Variants in DOCK5 observed in about 807,000 individuals in gnomAD.
DOCK5 encodes the protein dedicator of cytokinesis protein 5.
DOCK5 carries 142 observed loss-of-function variants against 251.8 expected under a neutral mutation model. The observed-to-expected ratio is 0.56, with a 90% confidence interval of 0.49 to 0.65. The LOEUF is 0.65. DOCK5 is among the 30% of genes least tolerant of loss of function. The probability of loss-of-function intolerance (pLI) is 0.00; values close to 1 mark genes in which losing one functional copy is unlikely to be tolerated. For missense variants in DOCK5, 2,111 were observed against 2,312.3 expected, an observed-to-expected ratio of 0.91 and a Z score of 1.79; for synonymous variants, 842 against 835.5, an observed-to-expected ratio of 1.01 and a Z score of -0.13.
chr8:25,377,878 G>A (rs972233582), intron 38 of DOCK5, among the ~76,000 whole-genome samples: 1 of 151,476 alleles, frequency 6.6e-6, no homozygotes, highest in African/African-American at 2.4e-5. Context: ...GCTCACCCAA[G>A]CCATGGGTGT....
chr8:25,226,355 C>T (rs1187316271), intron 1 of DOCK5, among the ~76,000 whole-genome samples: 1 of 150,206 alleles, frequency 6.7e-6, no homozygotes, highest in Non-Finnish European at 1.5e-5. Context: ...CTCCATCTCC[C>T]AGGTTCAAGT....
intron 1 of DOCK5, among the ~76,000 whole-genome samples, chr8:25,213,236 G>A (rs980562457): frequency 6.6e-6 from 1 of 152,008 alleles, no homozygotes; most frequent in African/African-American, 2.4e-5. Flanking sequence ...AGCCTCAAAT[G>A]AATGGGCACC....
intron 27 of DOCK5, 28 bp downstream of exon 27, chr8:25,351,854 GC>G (rs753170327): frequency 3.4e-5 from 55 of 1,596,188 alleles, no homozygotes; most frequent in Non-Finnish European, 4.5e-5. Flanking sequence ...GGATCCCACG[GC>G]CGCTGCTGTT....
intron 48 of DOCK5, among the ~76,000 whole-genome samples, chr8:25,406,044 C>T (rs558346497): frequency 2.7e-4 from 41 of 151,812 alleles, no homozygotes; most frequent in Admixed American, 3.9e-4. Context: ...CCGCAAGCTC[C>T]GCCTCCCGGG....
At chr8:25,263,901 G>A (rs796538141) in intron 2 of DOCK5, among the ~76,000 whole-genome samples, 3 of 151,878 alleles carry the variant, frequency 2.0e-5, no homozygotes, top group African/African-American at 7.3e-5. Context: ...TCCTGATTCT[G>A]TCCTGATTCC....
chr8:25,326,786 C>T (rs772584019), intron 18 of DOCK5, among the ~76,000 whole-genome samples: 31 of 152,102 alleles, frequency 2.0e-4, no homozygotes, highest in Non-Finnish European at 4.0e-4. Context: ...GATGTTGTTT[C>T]CCTATTATTT....
chr8:25,275,563 G>GAGCCACCAC, intron 4 of DOCK5, 122 bp downstream of exon 4: 2 of 968,988 alleles, frequency 2.1e-6, no homozygotes, highest in Non-Finnish European at 3.0e-6. Context: ...GGCCAGGCGT[G>GAGCCACCAC]GTGGCTCACG....
chr8:25,389,381 T>G (rs1801218988), intron 41 of DOCK5, 149 bp downstream of exon 41: 1 of 1,044,704 alleles, frequency 9.6e-7, no homozygotes, highest in Non-Finnish European at 1.3e-6. Flanking sequence ...CCATGTAAAA[T>G]CTTTGGGACC....
intron 1 of DOCK5, among the ~76,000 whole-genome samples, chr8:25,223,803 C>A (rs1185629894): frequency 1.3e-5 from 2 of 152,142 alleles, no homozygotes; most frequent in Non-Finnish European, 2.9e-5. Flanking sequence ...TTATTAAAAT[C>A]TCTCTGAGAT....
chr8:25,362,421 A>G (rs1341782063), intron 28 of DOCK5, among the ~76,000 whole-genome samples: 2 of 146,946 alleles, frequency 1.4e-5, no homozygotes, highest in Non-Finnish European at 3.0e-5. Context: ...TCTCCTTCCC[A>G]CTTTCTTTTT....
At chr8:25,278,486 G>A (rs1804105163) in intron 4 of DOCK5, 83 bp from the exon 5 acceptor site, 1 of 1,360,210 alleles carries the variant, frequency 7.4e-7, no homozygotes, top group Non-Finnish European at 1.0e-6. Context: ...TCTCAACCTT[G>A]AACGTTGGGA....
chr8:25,374,607 T>C lies in DOCK5; in HGVS notation c.3769T>C (p.Tyr1257His), dbSNP rs754003348. 3 of 1,613,522 alleles carry C rather than the reference T, an allele frequency of 1.9e-6. No homozygotes were observed. The African/African-American group carries it at 4.0e-5, about 22-fold the overall frequency. Residue 1257 changes from tyrosine to histidine, a missense_variant, in exon 37 of 52, where the codon TAC becomes CAC. Tyr to His is a moderately conservative substitution (Grantham distance 83, BLOSUM62 2). Transcript: ENST00000276440. Reference protein sequence around the residue: ...LRDLHRDCENYTEAAYTLLLH... With the variant: ...LRDLHRDCENHTEAAYTLLLH... Reference sequence around the variant, plus strand: ...AGATTTGCACCGAGACTGTGAGAACTACACAGAAGCTGCCTACACGCTTCT... The same window carrying C: ...AGATTTGCACCGAGACTGTGAGAACCACACAGAAGCTGCCTACACGCTTCT...
intron 1 of DOCK5, among the ~76,000 whole-genome samples, chr8:25,229,655 ATT>A (rs1802618986): frequency 6.6e-6 from 1 of 152,088 alleles, no homozygotes; most frequent in South Asian, 2.1e-4. Context: ...AGAAAATTTT[ATT>A]TGGTTGCTTA....
At chr8:25,364,118 G>A (rs1361927280) in intron 29 of DOCK5, among the ~76,000 whole-genome samples, 1 of 152,070 alleles carries the variant, frequency 6.6e-6, no homozygotes, top group East Asian at 1.9e-4. Flanking sequence ...GAAGTGAAAT[G>A]AACTGAATAT....
intron 26 of DOCK5, 178 bp from the exon 27 acceptor site, chr8:25,351,553 A>G: frequency 5.3e-6 from 3 of 566,974 alleles, no homozygotes; most frequent in South Asian, 4.4e-5. Flanking sequence ...ATTTTCAACT[A>G]TTTTCTTCAT....
At chr8:25,392,702 G>A in intron 43 of DOCK5, 94 bp from the exon 44 acceptor site, 1 of 1,058,988 alleles carries the variant, frequency 9.4e-7, no homozygotes, top group South Asian at 1.4e-5. Flanking sequence ...AAGTGAACCA[G>A]GGAGTCTTGC....
At position 25,369,640 on chromosome 8, in the gene DOCK5, C is replaced by T. The variant is rs1800838052; in HGVS notation, c.3523C>T (p.Leu1175=). The change falls in exon 34 of 52, where the codon CTG becomes TTG. Residue 1175 remains leucine, a splice_region_variant and synonymous_variant. Transcript: ENST00000276440. ...ACAATACAAGGTTCTTCTGGAAAAA[C>T]TGTGAGTATTTCAGGAACGAAACCT... ...DEQYKVLLEK[L]LLEHCRKHKY... 6.2e-7 allele frequency: 1 copy of T among 1,605,696 alleles called. No homozygotes were observed. The highest frequency in any genetic ancestry group is 1.3e-5 in the African/African-American group (1 of 74,910).
intron 2 of DOCK5, among the ~76,000 whole-genome samples, chr8:25,259,750 C>T (rs367942580): frequency 1.4e-4 from 22 of 152,096 alleles, no homozygotes; most frequent in East Asian, 3.9e-4. Flanking sequence ...TGTGAGCCAC[C>T]GCACCTGGCC....
chr8:25,396,323 G>C (rs1801345076), intron 45 of DOCK5, among the ~76,000 whole-genome samples: 1 of 152,204 alleles, frequency 6.6e-6, no homozygotes, highest in African/African-American at 2.4e-5. Flanking sequence ...AAAGGTTTCA[G>C]TAAGCCGAGA....
Sources: gnomAD v4.1 joint callset for allele counts (sites outside exome capture counted in the v4.1 genomes callset) on GRCh38, gnomAD v4.1.1 for gene constraint, MANE v1.5 for transcripts, NCBI Gene and HGNC (gene_info 2026-07-23, HGNC 2026-07-21) for gene names.